The following PLA2G4A variants were observed in gnomAD, a reference collection of about 807,000 sequenced individuals.
The protein encoded by PLA2G4A is phospholipase A2 group IVA.
Under a neutral mutation model 81.9 loss-of-function variants are expected in PLA2G4A, and 40 were observed. That is an observed-to-expected ratio of 0.49 (90% CI 0.38 to 0.64). The LOEUF (loss-of-function observed/expected upper bound fraction) is 0.64. Ranked by LOEUF, PLA2G4A falls within the 30% of genes least tolerant of loss-of-function variation. The probability of loss-of-function intolerance (pLI) is 0.00; values close to 1 mark genes in which losing one functional copy is unlikely to be tolerated. For missense variants in PLA2G4A, 715 were observed against 905.1 expected, an observed-to-expected ratio of 0.79 and a Z score of 2.69; for synonymous variants, 302 against 296.9, an observed-to-expected ratio of 1.02 and a Z score of -0.18.
intron 5 of PLA2G4A, among the ~76,000 whole-genome samples, chr1:186,896,919 C>T (rs1287863823): frequency 6.6e-6 from 1 of 151,958 alleles, no homozygotes; most frequent in African/African-American, 2.4e-5. Flanking sequence ...GTGGGAGTGC[C>T]CTGTGCCAGC....
chr1:186,947,380 A>G (rs1251317836), intron 12 of PLA2G4A, among the ~76,000 whole-genome samples: 5 of 152,130 alleles, frequency 3.3e-5, no homozygotes, highest in East Asian at 3.9e-4. Context: ...AACTCACCAG[A>G]ATTCTGTTAG....
chr1:186,922,957 CTG>C (rs1212572319), intron 7 of PLA2G4A, among the ~76,000 whole-genome samples: 3 of 152,212 alleles, frequency 2.0e-5, no homozygotes, highest in South Asian at 2.1e-4. Flanking sequence ...TATACAATGT[CTG>C]TAATCTATAG....
At chr1:186,853,404 A>C (rs1652444926) in intron 1 of PLA2G4A, among the ~76,000 whole-genome samples, 1 of 151,882 alleles carries the variant, frequency 6.6e-6, no homozygotes, top group Non-Finnish European at 1.5e-5. Flanking sequence ...TGTTTGTGAC[A>C]ATGAGCAGGA....
chr1:186,871,190 G>T (rs12720512), intron 3 of PLA2G4A, among the ~76,000 whole-genome samples: 1 of 152,074 alleles, frequency 6.6e-6, no homozygotes, highest in African/African-American at 2.4e-5. Flanking sequence ...GAAATGATGC[G>T]ATCCACAGCC....
intron 3 of PLA2G4A, among the ~76,000 whole-genome samples, chr1:186,880,249 A>G (rs530676489): frequency 3.9e-5 from 6 of 152,120 alleles, no homozygotes; most frequent in Non-Finnish European, 8.8e-5. Flanking sequence ...GGGCTTTATA[A>G]CTTAGGTAGC....
At chr1:186,865,169 G>A (rs1652981544) in intron 2 of PLA2G4A, among the ~76,000 whole-genome samples, 1 of 150,680 alleles carries the variant, frequency 6.6e-6, no homozygotes, top group South Asian at 2.1e-4. Flanking sequence ...TCTTGTTCAA[G>A]GGGAGAAGAA....
At position 186,850,404 on chromosome 1, in the gene PLA2G4A, A is replaced by G. The variant is rs191064391; in HGVS notation, c.-69-3882A>G. 7.2e-5 allele frequency among the ~76,000 whole-genome samples: 11 copies of G among 152,272 alleles called. No homozygotes were observed. In the East Asian group the frequency reaches 2.1e-3, roughly 29 times the overall value. On this transcript the variant is annotated intron_variant, in intron 1 of 17. Coordinates refer to ENST00000367466, the MANE Select transcript of PLA2G4A (RefSeq NM_024420.3). Reference sequence around the variant, plus strand: ...TTTTAAGATTTCCTTCCAATTGGAGACATTAATCATAATAAACAGTGTTAC... The same window carrying G: ...TTTTAAGATTTCCTTCCAATTGGAGGCATTAATCATAATAAACAGTGTTAC...
intron 8 of PLA2G4A, among the ~76,000 whole-genome samples, chr1:186,933,985 CTTAGAGCCATCA>C (rs1430074605): frequency 6.6e-6 from 1 of 152,022 alleles, no homozygotes; most frequent in Admixed American, 6.6e-5. Flanking sequence ...GAAACAAAAA[CTTAGAGCCATCA>C]TTGCCATCTT....
Position 186,893,135 on chromosome 1 carries a change from T to C in PLA2G4A, c.240T>C (p.Asp80=), listed in dbSNP as rs1402898791. The change falls in exon 4 of 18, where the codon GAT becomes GAC. Residue 80 remains aspartate, a synonymous_variant. Coordinates refer to ENST00000367466, the MANE Select transcript of PLA2G4A (RefSeq NM_024420.3). The stretch of plus-strand genomic sequence containing the variant: ...ATGAGACCTTTGAATTTATTTTGGA[T>C]CCTAATCAGGAAAATGTTTTGGAGG... ...VWNETFEFIL[D]PNQENVLEIT... 4.3e-6 allele frequency: 7 copies of C among 1,612,788 alleles called. No homozygotes were observed. The highest frequency in any genetic ancestry group is 5.1e-6 in the Non-Finnish European group (6 of 1,178,948).
chr1:186,921,790 C>A (rs1033397743), intron 7 of PLA2G4A, among the ~76,000 whole-genome samples: 1 of 152,038 alleles, frequency 6.6e-6, no homozygotes, highest in African/African-American at 2.4e-5. Context: ...GGAGGGAGAA[C>A]CTTCCTTAAC....
intron 8 of PLA2G4A, among the ~76,000 whole-genome samples, chr1:186,934,549 TGC>T (rs2102208564): frequency 6.6e-6 from 1 of 150,904 alleles, no homozygotes; most frequent in South Asian, 2.1e-4. Flanking sequence ...ATTTTAAATG[TGC>T]ACACACACAC....
rs1325374752 is a variant in PLA2G4A at position 186,965,424 on chromosome 1, A to G, written c.1595A>G (p.Glu532Gly). The change falls in exon 15 of 18, where the codon GAG becomes GGG. Residue 532 changes from glutamate (E) to glycine (G), a missense_variant. Transcript: ENST00000367466. Reference protein sequence around the residue: ...DAAVADPDEFERIYEPLDVKS... With the variant: ...DAAVADPDEFGRIYEPLDVKS... ...TGTTTTTAAGATCCTGATGAATTTGAGCGAATATATGAGCCTCTGGATGTC... is the reference window on the plus strand; with the variant it reads ...TGTTTTTAAGATCCTGATGAATTTGGGCGAATATATGAGCCTCTGGATGTC... 4 of 1,604,044 alleles carry G rather than the reference A, an allele frequency of 2.5e-6. No individual in the cohort carries two copies. Among genetic ancestry groups the G allele is most frequent in the African/African-American group, 2.7e-5 (2 of 74,720 alleles).
At chr1:186,954,819 T>A (rs1257352398) in intron 13 of PLA2G4A, among the ~76,000 whole-genome samples, 1 of 152,176 alleles carries the variant, frequency 6.6e-6, no homozygotes, top group East Asian at 1.9e-4. Flanking sequence ...TAAATTATTC[T>A]TTGATTTTGA....
At chr1:186,917,599 G>C (rs962645782) in intron 7 of PLA2G4A, among the ~76,000 whole-genome samples, 1 of 152,130 alleles carries the variant, frequency 6.6e-6, no homozygotes, top group Admixed American at 6.5e-5. Context: ...TACCAAGTGA[G>C]CCACAAATGC....
chr1:186,892,527 C>T (rs968102582), intron 3 of PLA2G4A, among the ~76,000 whole-genome samples: 1 of 152,158 alleles, frequency 6.6e-6, no homozygotes, highest in East Asian at 1.9e-4. Flanking sequence ...ATCCAGTTTT[C>T]CCAGCACCAT....
At chr1:186,983,083 C>CAAAAAAAAAAA (rs542890862) in intron 17 of PLA2G4A, among the ~76,000 whole-genome samples, 1 of 99,032 alleles carries the variant, frequency 1.0e-5, no homozygotes, top group Non-Finnish European at 2.2e-5. Context: ...GAGTCTGTCT[C>CAAAAAAAAAAA]AAAAAAAAAA....
At chr1:186,920,487 C>T (rs976315310) in intron 7 of PLA2G4A, among the ~76,000 whole-genome samples, 2 of 152,202 alleles carry the variant, frequency 1.3e-5, no homozygotes, top group Admixed American at 1.3e-4. Context: ...CAGTTGTAAT[C>T]CTGACCGTGG....
chr1:186,915,160 C>A (rs1418885049), intron 7 of PLA2G4A, among the ~76,000 whole-genome samples: 1 of 152,114 alleles, frequency 6.6e-6, no homozygotes, highest in African/African-American at 2.4e-5. Flanking sequence ...CCAGTTTTGT[C>A]ATATCTCTAA....
chr1:186,912,464 T>A (rs1354258162), intron 7 of PLA2G4A, among the ~76,000 whole-genome samples: 2 of 152,010 alleles, frequency 1.3e-5, no homozygotes, highest in East Asian at 1.9e-4. Flanking sequence ...CCACCTATCA[T>A]CTCTCCTCCC....
Sources: allele counts gnomAD v4.1 joint callset (sites outside exome capture counted in the v4.1 genomes callset), GRCh38; gene constraint gnomAD v4.1.1; transcripts MANE v1.5; gene names NCBI Gene and HGNC (gene_info 2026-07-23, HGNC 2026-07-21).